ADGRD1: variants seen among roughly 807,000 people sequenced by gnomAD.
ADGRD1 encodes the protein G-protein coupled receptor 133.
A neutral mutation model predicts 113.4 loss-of-function variants in ADGRD1; 77 were observed. The observed-to-expected ratio is 0.68, with a 90% CI of 0.57 to 0.82. The LOEUF is 0.82. Among genes scored for constraint, ADGRD1 ranks in the 40% least tolerant of loss-of-function variants. The pLI is 0.00. For synonymous variants in ADGRD1, 474 were observed against 475.0 expected (o/e 1.00, Z 0.03); for missense variants, 1,036 against 1,139.1 (o/e 0.91, Z 1.30).
chr12:131,004,363 G>C, intron 11 of ADGRD1, 67 bp downstream of exon 11: 1 of 1,057,280 alleles, frequency 9.5e-7, no homozygotes. Context: ...GAGTCCCCAA[G>C]CTTTGCTGGG....
At chr12:131,124,081 G>A (rs140177917) in intron 20 of ADGRD1, among the ~76,000 whole-genome samples, 99 of 152,354 alleles carry the variant, frequency 6.5e-4, no homozygotes, top group African/African-American at 2.2e-3. Context: ...AGGGGGTGCC[G>A]TGGAGGTTCC....
chr12:131,118,166 C>G (rs1950511519), intron 18 of ADGRD1, among the ~76,000 whole-genome samples: 1 of 152,210 alleles, frequency 6.6e-6, no homozygotes. Flanking sequence ...GAAGTGTGAA[C>G]ATGTGAGTAT....
At chr12:131,037,942 G>C (rs1881704012) in intron 13 of ADGRD1, among the ~76,000 whole-genome samples, 1 of 148,742 alleles carries the variant, frequency 6.7e-6, no homozygotes, top group South Asian at 2.1e-4. Context: ...TCACTGCATG[G>C]GGCCTCACTC....
In ADGRD1 at chr12:130,981,994, G is replaced by C. The variant is rs757972258; in HGVS notation, c.421G>C (p.Gly141Arg). 1.9e-6 allele frequency: 3 copies of C among 1,613,872 alleles called. No individual in the cohort carries two copies. Among genetic ancestry groups the C allele is most frequent in the Non-Finnish European group, 1.7e-6 (2 of 1,179,726 alleles). The change falls in exon 5 of 25, where the codon GGC (glycine) becomes CGC (arginine). Residue 141 changes from glycine to arginine, a missense_variant. Gly to Arg is a moderately radical substitution (Grantham distance 125). Transcript: ENST00000261654. ...TGGGTTCAAAGTCTGCTCCAGCGGT[G>C]GCAGAGGCTCTGTGGAGCTGTATAC... ...SNGFKVCSSGGRGSVELYTRD... is the reference protein window; with the variant it reads ...SNGFKVCSSGRRGSVELYTRD...
chr12:131,002,953 C>T (rs1039407234), intron 9 of ADGRD1: 18 of 740,642 alleles, frequency 2.4e-5, no homozygotes, highest in East Asian at 1.1e-4. Flanking sequence ...CAGGAGCCGG[C>T]GATGGCTGGG....
intron 13 of ADGRD1, among the ~76,000 whole-genome samples, chr12:131,059,921 T>A (rs1884170456): frequency 6.6e-6 from 1 of 152,246 alleles, no homozygotes; most frequent in Non-Finnish European, 1.5e-5. Context: ...ATTTTTCCGG[T>A]TCTCGGTATG....
intron 8 of ADGRD1, among the ~76,000 whole-genome samples, chr12:130,997,108 C>G (rs1875581116): frequency 7.4e-6 from 1 of 134,490 alleles, no homozygotes; most frequent in Admixed American, 7.0e-5. Flanking sequence ...CCCTCACCTC[C>G]TGGACGGGGC....
At chr12:131,122,813 G>A (rs189722591) in intron 20 of ADGRD1, among the ~76,000 whole-genome samples, 5 of 152,262 alleles carry the variant, frequency 3.3e-5, no homozygotes, top group East Asian at 3.9e-4. Context: ...CTGGGGTTCC[G>A]AGGTGGCTCT....
At chr12:131,049,565 G>A (rs1883176724) in intron 13 of ADGRD1, among the ~76,000 whole-genome samples, 1 of 152,230 alleles carries the variant, frequency 6.6e-6, no homozygotes, top group Non-Finnish European at 1.5e-5. Flanking sequence ...ACCACCCAGA[G>A]TGACCTTGTA....
chr12:130,991,521 C>T (rs1297967203), intron 7 of ADGRD1, among the ~76,000 whole-genome samples: 1 of 152,106 alleles, frequency 6.6e-6, no homozygotes, highest in Non-Finnish European at 1.5e-5. Flanking sequence ...AGACTCTGAC[C>T]CATCTGCTTG....
At chr12:131,032,392 A>G (rs1431040323) in intron 13 of ADGRD1, among the ~76,000 whole-genome samples, 2 of 152,258 alleles carry the variant, frequency 1.3e-5, no homozygotes, top group Non-Finnish European at 2.9e-5. Flanking sequence ...TCAGCGTAGT[A>G]GGAGGTTTCA....
intron 11 of ADGRD1, among the ~76,000 whole-genome samples, chr12:131,005,497 A>G (rs1042576435): frequency 1.3e-5 from 2 of 152,190 alleles, no homozygotes; most frequent in African/African-American, 2.4e-5. Context: ...TGCCCCCTTG[A>G]AAACCTGCAT....
chr12:131,106,024 C>G (rs565053513), intron 17 of ADGRD1, among the ~76,000 whole-genome samples, 159 bp downstream of exon 17: 1 of 152,016 alleles, frequency 6.6e-6, no homozygotes. Flanking sequence ...GAGATCGTGA[C>G]GTGCATGAGC....
chr12:131,093,484 T>A (rs926922044), intron 15 of ADGRD1, among the ~76,000 whole-genome samples: 5 of 152,086 alleles, frequency 3.3e-5, no homozygotes, highest in Non-Finnish European at 7.4e-5. Flanking sequence ...GCCTTGAGCC[T>A]CTCAGATGGG....
At position 131,113,819 on chromosome 12, in the gene ADGRD1, A is replaced by G. The variant is rs1415295986; in HGVS notation, c.2042-4566A>G. ...CTGCCCTCCCTCCAGGTCACGCATG[A>G]CCTGCTTCTTCAGGCCTCTGTGACG... On this transcript the variant is annotated intron_variant, in intron 18 of 24. Transcript: ENST00000261654. This position sits in a 1 kb window ranked among gnomAD's most constrained non-coding sequence, Gnocchi z 4.9. Among the ~76,000 whole-genome samples, 1 of 152,124 alleles carries G rather than the reference A, an allele frequency of 6.6e-6. No individual in the cohort carries two copies. Among genetic ancestry groups the G allele is most frequent in the Non-Finnish European group, 1.5e-5 (1 of 68,024 alleles).
chr12:131,062,263 G>C (rs996389094), intron 13 of ADGRD1, among the ~76,000 whole-genome samples: 19 of 152,310 alleles, frequency 1.2e-4, no homozygotes, highest in African/African-American at 4.6e-4. Flanking sequence ...AAAGTGCTGG[G>C]ATTATAGGCG....
intron 13 of ADGRD1, among the ~76,000 whole-genome samples, chr12:131,030,381 G>A (rs887189467): frequency 2.4e-4 from 37 of 152,198 alleles, no homozygotes; most frequent in African/African-American, 7.5e-4. Flanking sequence ...AGACTGTGCC[G>A]CTGAAATTGT....
rs1871718987 is a variant in ADGRD1, at chr12:130,971,990, A to C, written c.310+410A>C. The stretch of plus-strand genomic sequence containing the variant: ...GACGGTGAGCGGGCAGGGCATACCC[A>C]AGAACACTTGCGCCTGGTTTTGGTT... On this transcript the variant is annotated intron_variant, in intron 4 of 24. Coordinates refer to ENST00000261654, the MANE Select transcript of ADGRD1 (RefSeq NM_198827.5). This position sits in a 1 kb window ranked among gnomAD's most constrained non-coding sequence, Gnocchi z 4.2. 6.6e-6 allele frequency among the ~76,000 whole-genome samples: 1 copy of C among 152,214 alleles called. No homozygotes were observed. Among genetic ancestry groups the C allele is most frequent in the Admixed American group, 6.5e-5 (1 of 15,284 alleles).
In ADGRD1 at chr12:131,057,827, A is replaced by G. The variant is rs1040218599; in HGVS notation, c.1474-18974A>G. ...CACAGGTGGAGCTGGGATGAGGCAGAAAATGGGTCTGCATGTCTCTGCCTT... is the reference window on the plus strand; with the variant it reads ...CACAGGTGGAGCTGGGATGAGGCAGGAAATGGGTCTGCATGTCTCTGCCTT... On this transcript the variant is annotated intron_variant, in intron 13 of 24. Transcript: ENST00000261654. This position sits in a 1 kb window ranked among gnomAD's most constrained non-coding sequence, Gnocchi z 4.2. 3.9e-5 allele frequency among the ~76,000 whole-genome samples: 6 copies of G among 152,180 alleles called. No individual in the cohort carries two copies. Among genetic ancestry groups the G allele is most frequent in the Non-Finnish European group, 7.3e-5 (5 of 68,034 alleles).
Sources: gnomAD v4.1 joint callset for allele counts (sites outside exome capture counted in the v4.1 genomes callset) on GRCh38, gnomAD v4.1.1 for gene constraint, Gnocchi (gnomAD v3.1) non-coding constraint, MANE v1.5 for transcripts, NCBI Gene and HGNC (gene_info 2026-07-23, HGNC 2026-07-21) for gene names.